The following TUBG2 variants were observed in gnomAD, a reference collection of about 807,000 sequenced individuals.
TUBG2 encodes tubulin gamma 2.
In TUBG2, 39 loss-of-function variants were observed where a neutral mutation model predicts 55.1. That is an observed-to-expected ratio of 0.71 (90% CI 0.55 to 0.93). The LOEUF (loss-of-function observed/expected upper bound fraction) is 0.93, where lower values mean the gene tolerates loss of function less well. TUBG2 is among the 40% of genes least tolerant of loss of function. TUBG2 has a pLI of 0.00. For missense variants in TUBG2, 358 were observed against 599.1 expected (o/e 0.60, Z 4.20); for synonymous variants, 223 against 241.0 (o/e 0.93, Z 0.69).
chr17:42,660,070 G>A (rs1022881895), intron 2 of TUBG2, 79 bp from the exon 3 acceptor site: 12 of 1,319,364 alleles, frequency 9.1e-6, no homozygotes, highest in African/African-American at 3.0e-5. Context: ...AGGGAGGGCC[G>A]GAGGGAGCCA....
At chr17:42,660,483 T>C in intron 3 of TUBG2, 156 bp from the exon 4 acceptor site, 1 of 1,321,192 alleles carries the variant, frequency 7.6e-7, no homozygotes, top group South Asian at 1.3e-5. Flanking sequence ...GCAAATCATT[T>C]GCAATAGTAG....
chr17:42,661,727 C>T (rs1440604713), intron 4 of TUBG2, among the ~76,000 whole-genome samples: 2 of 152,214 alleles, frequency 1.3e-5, no homozygotes, highest in Non-Finnish European at 2.9e-5. Context: ...TATTTGTATC[C>T]TTTAAAATAT....
Position 42,660,334 on chromosome 17 carries a change from C to G in TUBG2, c.330+18C>G, listed in dbSNP as rs1216851635. On this transcript the variant is annotated intron_variant, in intron 3 of 10. Transcript: ENST00000251412. ...TCTCCCAGGTGTCCTAGCGACCATT[C>G]CAGAGACCTTTGATATTCCCATCCA... 4 of 1,614,024 alleles carry G rather than the reference C, an allele frequency of 2.5e-6. No individual in the cohort carries two copies. The East Asian group carries it at 8.9e-5, about 36-fold the overall frequency.
chr17:42,661,195 AAACAGCTCCAG>A, intron 4 of TUBG2: 1 of 162,126 alleles, frequency 6.2e-6, no homozygotes, highest in Non-Finnish European at 1.4e-5. Context: ...TTGGTTTCTG[AAACAGCTCCAG>A]AACAGCTCCA....
rs377691201 is a variant in TUBG2, at chr17:42,666,092, C to T, written c.849C>T (p.Ala283=). 18 of 1,613,866 alleles carry T rather than the reference C, an allele frequency of 1.1e-5. No homozygotes were observed. The highest frequency in any genetic ancestry group is 1.5e-5 in the Non-Finnish European group (18 of 1,179,878). ...CTGTCTCACTGTCCCATCAGGTGGCCAGCGTGAGGAAGACCACGGTCCTGG... is the reference window on the plus strand; with the variant it reads ...CTGTCTCACTGTCCCATCAGGTGGCTAGCGTGAGGAAGACCACGGTCCTGG... ...YTPLTTDQSV[A]SVRKTTVLDV... is the part of the protein sequence containing the mutation. The change falls in exon 9 of 11, where the codon GCC becomes GCT. Residue 283 remains alanine (A), a synonymous_variant. Transcript: ENST00000251412.
At chr17:42,659,664 C>A in intron 1 of TUBG2, 112 bp downstream of exon 1, 1 of 1,384,650 alleles carries the variant, frequency 7.2e-7, no homozygotes, top group Non-Finnish European at 9.8e-7. Context: ...CCCTGCCCTG[C>A]TGCTCTGGAT....
intron 8 of TUBG2, 72 bp downstream of exon 8, chr17:42,665,899 C>A: frequency 6.2e-7 from 1 of 1,604,626 alleles, no homozygotes; most frequent in South Asian, 1.1e-5. Context: ...GCCTTTCTCT[C>A]TTCCCCACTG....
Position 42,665,714 on chromosome 17 carries a change from C to T in TUBG2, c.730C>T (p.Arg244Cys). Residue 244 changes from arginine to cysteine, a missense_variant, in exon 8 of 11, where the codon CGC (arginine) becomes TGC (cysteine). Physicochemically the swap from Arg to Cys is radical, Grantham distance 180. This residue lies in a region of TUBG2 where 129 missense variants were observed against 251.6 expected (regional missense o/e 0.51). Coordinates refer to ENST00000251412, the MANE Select transcript of TUBG2 (RefSeq NM_016437.3). ...TIMSASTTTL[R>C]YPGYMNNDLI... ...CATGTCGGCCAGCACCACCACCCTG[C>T]GCTACCCCGGCTACATGAACAATGA... 3.1e-6 allele frequency: 5 copies of T among 1,614,196 alleles called. No individual in the cohort carries two copies. The highest frequency in any genetic ancestry group is 1.1e-5 in the South Asian group (1 of 91,090).
At chr17:42,660,441 G>C (rs2052356785) in intron 3 of TUBG2, 125 bp downstream of exon 3, 1 of 1,506,240 alleles carries the variant, frequency 6.6e-7, no homozygotes, top group African/African-American at 1.4e-5. Context: ...GAACAAGAGG[G>C]ACAGCCAGGG....
Position 42,666,495 on chromosome 17 carries a change from G to T in TUBG2, c.1158+11G>T. 1.9e-6 allele frequency: 3 copies of T among 1,614,002 alleles called. No homozygotes were observed. On this transcript the variant is annotated intron_variant, in intron 10 of 10. Transcript: ENST00000251412. ...ACCAGCATCTCCTCGGTGAGTCTAG[G>T]TTTCTATTCTTCTTAGAAGAGTCTG...
intron 6 of TUBG2, 53 bp downstream of exon 6, chr17:42,663,556 C>G: frequency 6.2e-7 from 1 of 1,604,892 alleles, no homozygotes; most frequent in Non-Finnish European, 8.5e-7. Context: ...GCCTGTAGTT[C>G]TAGCACTTTG....
intron 6 of TUBG2, among the ~76,000 whole-genome samples, chr17:42,663,781 T>TA (rs900148868): frequency 1.3e-5 from 2 of 151,584 alleles, no homozygotes; most frequent in South Asian, 4.2e-4. Context: ...CCATCTCTAC[T>TA]AAAAAAACAA....
In TUBG2 at chr17:42,664,159, C is replaced by G. The variant is rs2052460793; in HGVS notation, c.606+656C>G. Among the ~76,000 whole-genome samples the G allele has an allele frequency of 2.0e-5, 3 of 151,732 alleles. 1 individual carries two copies. The South Asian group carries it at 6.2e-4, about 31-fold the overall frequency. ...GGCATGGTGGCATGTGCCTGTAGTACTAGCTACATGGGAGGCTGAGGTGGG... is the reference window on the plus strand; with the variant it reads ...GGCATGGTGGCATGTGCCTGTAGTAGTAGCTACATGGGAGGCTGAGGTGGG... On this transcript the variant is annotated intron_variant, in intron 6 of 10. Transcript: ENST00000251412.
In TUBG2 at chr17:42,665,509, G is replaced by A; in HGVS notation, c.640G>A (p.Ala214Thr). The A allele has an allele frequency of 1.9e-6, 3 of 1,614,140 alleles. No homozygotes were observed. Among genetic ancestry groups the A allele is most frequent in the Non-Finnish European group, 2.5e-6 (3 of 1,180,022 alleles). Residue 214 changes from alanine (A) to threonine (T), a missense_variant, in exon 7 of 11, where the codon GCC becomes ACC. Transcript: ENST00000251412. The part of the protein sequence containing the change: ...VLDNTALNRI[A>T]TDRLHIQNPS... The stretch of plus-strand genomic sequence containing the variant: ...GGACAACACAGCCCTGAACCGGATT[G>A]CCACAGACCGCCTGCACATCCAGAA...
At position 42,665,461 on chromosome 17, in the gene TUBG2, CT is replaced by C; in HGVS notation, c.607-13del. The stretch of plus-strand genomic sequence containing the variant: ...TTTATCCTCAAGATGCTGTGATGCT[CT>C]TCTGTCCCCCCAGGTGGTGCTGGAC... On this transcript the variant is annotated splice_polypyrimidine_tract_variant and intron_variant, in intron 6 of 10. Transcript: ENST00000251412. The C allele has an allele frequency of 6.2e-7, 1 of 1,614,106 alleles. No individual in the cohort carries two copies. Among genetic ancestry groups the C allele is most frequent in the Admixed American group, 1.7e-5 (1 of 60,020 alleles).
Position 42,662,930 on chromosome 17 carries a change from G to A in TUBG2, c.400-43G>A, listed in dbSNP as rs769723762. 1.2e-5 allele frequency: 19 copies of A among 1,590,090 alleles called. No individual in the cohort carries two copies. The East Asian group carries it at 4.0e-4, about 34-fold the overall frequency. ...GGTATCAGAATTGTGTTGTGAGAGT[G>A]TGGCAGGAGAAACTGAGTCTGTTTA... On this transcript the variant is annotated intron_variant, in intron 4 of 10. Coordinates refer to ENST00000251412, the MANE Select transcript of TUBG2 (RefSeq NM_016437.3).
Position 42,663,650 on chromosome 17 carries a change from T to C in TUBG2, c.606+147T>C. 5 of 1,062,374 alleles carry C rather than the reference T, an allele frequency of 4.7e-6. No homozygotes were observed. In the South Asian group the frequency reaches 8.3e-5, roughly 18 times the overall value. 65.8% of individuals were successfully genotyped at this position (1,062,374 alleles called of 1,614,324 possible). Reference sequence around the variant, plus strand: ...TGTGAAACCCTATCTCCACAGAAAATACAAAAATTAGAGCTGGGTGCGGTG... The same window carrying C: ...TGTGAAACCCTATCTCCACAGAAAACACAAAAATTAGAGCTGGGTGCGGTG... On this transcript the variant is annotated intron_variant, in intron 6 of 10. Transcript: ENST00000251412.
Position 42,660,786 on chromosome 17 carries a change from G to A in TUBG2, c.399+79G>A, listed in dbSNP as rs1597769649. The A allele has an allele frequency of 5.0e-6, 6 of 1,207,866 alleles. No individual in the cohort carries two copies. The East Asian group carries it at 1.4e-4, about 29-fold the overall frequency. The allele number at this position is 1,207,866 out of a possible 1,614,324, so 74.8% of individuals were successfully genotyped here. A position where few individuals can be genotyped will look rare whatever the true frequency, so the allele number is the denominator to read the frequency against. On this transcript the variant is annotated intron_variant, in intron 4 of 10. Coordinates refer to ENST00000251412, the MANE Select transcript of TUBG2 (RefSeq NM_016437.3). ...GACAGGTCAGGAGGTGGCCTGGATAGGTAATATGAGGGGAGCAATTCAATT... is the reference window on the plus strand; with the variant it reads ...GACAGGTCAGGAGGTGGCCTGGATAAGTAATATGAGGGGAGCAATTCAATT...
chr17:42,664,508 C>A (rs1314377982), intron 6 of TUBG2, among the ~76,000 whole-genome samples: 1 of 152,116 alleles, frequency 6.6e-6, no homozygotes, highest in African/African-American at 2.4e-5. Flanking sequence ...CGTATCCCAC[C>A]TTTGCCTACT....
Sources: allele counts gnomAD v4.1 joint callset (sites outside exome capture counted in the v4.1 genomes callset), GRCh38; gene constraint gnomAD v4.1.1; regional missense constraint gnomAD v4.1.1; transcripts MANE v1.5; gene names NCBI Gene and HGNC (gene_info 2026-07-23, HGNC 2026-07-21).